Variants in RUNX1 observed in about 807,000 individuals in gnomAD.
The protein encoded by RUNX1 is runt-related transcription factor 1.
Under a neutral mutation model 42.8 loss-of-function variants are expected in RUNX1, and 19 were observed. The ratio of observed to expected loss-of-function variants is 0.44; its 90% CI spans 0.31 to 0.65. The LOEUF (loss-of-function observed/expected upper bound fraction) is 0.65. Among genes scored for constraint, RUNX1 ranks in the 30% least tolerant of loss-of-function variants. RUNX1 has a pLI of 0.07. For synonymous variants in RUNX1, 271 were observed against 289.4 expected (o/e 0.94, Z 0.64); for missense variants, 528 against 672.0 (o/e 0.79, Z 2.37).
At chr21:34,882,292 C>A (rs190598006) in intron 4 of RUNX1, among the ~76,000 whole-genome samples, 155 of 152,250 alleles carry the variant, frequency 1.0e-3, no homozygotes, top group African/African-American at 3.5e-3. Flanking sequence ...TGTTTTTATT[C>A]ATTAGAACTG....
rs1344834278 is a variant in RUNX1, at chr21:34,923,848, C to T, written c.59-30885G>A. On this transcript the variant is annotated intron_variant, in intron 2 of 8. Coordinates refer to ENST00000675419, the MANE Select transcript of RUNX1 (RefSeq NM_001754.5). ...GATCTCTTCGATTTGGCCTTGACTC[C>T]CACCTTGCCATCTTCCACGCTGCTG... Among the ~76,000 whole-genome samples the T allele has an allele frequency of 1.2e-3, 140 of 113,524 alleles. 12 individuals are homozygous for T. Among genetic ancestry groups the T allele is most frequent in the Non-Finnish European group, 7.0e-5 (4 of 56,838 alleles). The allele number at this position is 113,524 out of a possible 152,430, so 74.5% of individuals were successfully genotyped here.
chr21:35,031,076 C>CCA (rs1569157725), intron 2 of RUNX1, among the ~76,000 whole-genome samples: 1 of 152,208 alleles, frequency 6.6e-6, no homozygotes, highest in African/African-American at 2.4e-5. Flanking sequence ...TGGCCGGGTG[C>CCA]GGTGGCTCAC....
At chr21:34,829,047 C>T (rs928028686) in intron 7 of RUNX1, among the ~76,000 whole-genome samples, 1 of 152,076 alleles carries the variant, frequency 6.6e-6, no homozygotes, top group Admixed American at 6.5e-5. Context: ...AATTATTACT[C>T]GTCTTTTGCA....
intron 8 of RUNX1, among the ~76,000 whole-genome samples, chr21:34,796,887 G>C (rs756420395): frequency 9.9e-5 from 15 of 152,222 alleles, no homozygotes; most frequent in Non-Finnish European, 1.5e-4. Context: ...TAGAGAGAGA[G>C]AGACAGACAG....
intron 4 of RUNX1, among the ~76,000 whole-genome samples, chr21:34,882,141 T>G (rs1358602358): frequency 6.6e-6 from 1 of 152,236 alleles, no homozygotes; most frequent in Non-Finnish European, 1.5e-5. Flanking sequence ...TAGTATATAT[T>G]TTCAGGCCTC....
intron 2 of RUNX1, among the ~76,000 whole-genome samples, chr21:34,911,170 G>A (rs2058269184): frequency 6.6e-6 from 1 of 152,164 alleles, no homozygotes; most frequent in African/African-American, 2.4e-5. Flanking sequence ...GTCTCTTCCT[G>A]ATATGCATCA....
At chr21:34,937,435 G>A (rs145609127) in intron 2 of RUNX1, among the ~76,000 whole-genome samples, 1 of 151,428 alleles carries the variant, frequency 6.6e-6, no homozygotes, top group African/African-American at 2.4e-5. Flanking sequence ...AATCGATGAA[G>A]TTTTCTTTTA....
intron 3 of RUNX1, among the ~76,000 whole-genome samples, chr21:34,890,064 C>A (rs956757163): frequency 3.3e-5 from 5 of 152,098 alleles, no homozygotes; most frequent in Admixed American, 6.5e-5. Context: ...GTGCTGTGGC[C>A]GCTGCCGCGC....
At chr21:34,959,055 T>TG (rs892838978) in intron 2 of RUNX1, among the ~76,000 whole-genome samples, 20 of 122,992 alleles carry the variant, frequency 1.6e-4, no homozygotes, top group Non-Finnish European at 2.0e-4. Context: ...TGTTGTGGGG[T>TG]GGGGGGAGTG....
In RUNX1 at chr21:34,788,507, C is replaced by A. The variant is rs1463621690; in HGVS notation, c.*3628G>T. Reference sequence around the variant, plus strand: ...CAAAGTAGAAAGAAGCATTTTTTTCCCTACAGTATTTAGCAAACCTAAGAA... The same window carrying A: ...CAAAGTAGAAAGAAGCATTTTTTTCACTACAGTATTTAGCAAACCTAAGAA... On this transcript the variant is annotated 3_prime_UTR_variant, in exon 9 of 9. Transcript: ENST00000675419. 2 of 232,462 alleles carry A rather than the reference C, an allele frequency of 8.6e-6. No homozygotes were observed. The highest frequency in any genetic ancestry group is 1.1e-4 in the Admixed American group (2 of 17,734). The allele number at this position is 232,462 out of a possible 1,614,324, so 14.4% of individuals were successfully genotyped here.
intron 2 of RUNX1, among the ~76,000 whole-genome samples, chr21:34,908,582 G>C (rs549204415): frequency 6.6e-6 from 1 of 152,246 alleles, no homozygotes; most frequent in South Asian, 2.1e-4. Context: ...GGACAGGGGG[G>C]TCGGGGGAGG....
At position 34,896,909 on chromosome 21, in the gene RUNX1, A is replaced by G. The variant is rs369941145; in HGVS notation, c.59-3946T>C. 1.1e-4 allele frequency among the ~76,000 whole-genome samples: 17 copies of G among 152,242 alleles called. No homozygotes were observed. In the East Asian group the frequency reaches 2.9e-3, roughly 26 times the overall value. ...CGAATGGGATGTAGGGAAGGAGAGA[A>G]TGAAATTTGTTGGAGGAGGGAGGGA... On this transcript the variant is annotated intron_variant, in intron 2 of 8. Transcript: ENST00000675419.
intron 2 of RUNX1, among the ~76,000 whole-genome samples, chr21:34,999,103 G>T (rs892532187): frequency 6.6e-6 from 1 of 152,188 alleles, no homozygotes; most frequent in Non-Finnish European, 1.5e-5. Context: ...AGGCCTTTGG[G>T]TGAGCAGGGC....
At chr21:35,043,136 C>T (rs761229640) in intron 2 of RUNX1, among the ~76,000 whole-genome samples, 3 of 152,148 alleles carry the variant, frequency 2.0e-5, no homozygotes, top group African/African-American at 7.2e-5. Flanking sequence ...CAAGAGCCAG[C>T]CTGTGTTCTC....
chr21:35,020,068 G>A (rs1018560565), intron 2 of RUNX1, among the ~76,000 whole-genome samples: 1 of 151,844 alleles, frequency 6.6e-6, no homozygotes, highest in African/African-American at 2.4e-5. Context: ...ATGGAAAACA[G>A]CAAAACAAGT....
At chr21:34,877,064 G>A (rs1286140791) in intron 5 of RUNX1, among the ~76,000 whole-genome samples, 1 of 152,082 alleles carries the variant, frequency 6.6e-6, no homozygotes, top group Non-Finnish European at 1.5e-5. Flanking sequence ...TCACCATGTT[G>A]GCCAGGCTGG....
chr21:34,893,783 T>A (rs2018330), intron 2 of RUNX1, among the ~76,000 whole-genome samples: 52,181 of 148,944 alleles, frequency 0.35, 10,075 homozygotes, highest in African/African-American at 0.53. Context: ...TTTTTTTTTT[T>A]AAAAAAAAAC....
In RUNX1 at chr21:34,792,311, G is replaced by GGCCCCCC; in HGVS notation, c.1266_1267insGGGGGGC (p.Arg423GlyfsTer179). The GGCCCCCC allele has an allele frequency of 1.3e-6, 2 of 1,539,282 alleles. No homozygotes were observed. The highest frequency in any genetic ancestry group is 2.0e-5 in the Admixed American group (1 of 50,738). Reference sequence around the variant, plus strand: ...GGCGGCAGGATGCGCGGCGGCGAGCGCTCGCCGCCCACCATGGAGAACTGG... The same window carrying GGCCCCCC: ...GGCGGCAGGATGCGCGGCGGCGAGCGGCCCCCCCTCGCCGCCCACCATGGAGAACTGG... On this transcript the variant is annotated frameshift_variant, in exon 9 of 9. Transcript: ENST00000675419. LOFTEE classifies it high-confidence loss of function. The surrounding 1 kb of genome is among the most constrained non-coding windows in gnomAD (Gnocchi z 6.9).
chr21:34,980,209 G>C (rs755392777), intron 2 of RUNX1, among the ~76,000 whole-genome samples: 6 of 152,236 alleles, frequency 3.9e-5, no homozygotes, highest in Non-Finnish European at 5.9e-5. Context: ...AACAGTGGAC[G>C]AAGTTCTCTG....
Sources: gnomAD v4.1 joint callset for allele counts (sites outside exome capture counted in the v4.1 genomes callset) on GRCh38, gnomAD v4.1.1 for gene constraint, Gnocchi (gnomAD v3.1) non-coding constraint, MANE v1.5 for transcripts, NCBI Gene and HGNC (gene_info 2026-07-23, HGNC 2026-07-21) for gene names.